The following PALMD variants were observed in gnomAD, a reference collection of about 807,000 sequenced individuals.
The protein encoded by PALMD is palmdelphin.
PALMD carries 42 observed loss-of-function variants against 56.2 expected under a neutral mutation model. The ratio of observed to expected loss-of-function variants is 0.75; its 90% CI spans 0.58 to 0.97. The LOEUF (loss-of-function observed/expected upper bound fraction) is 0.97. Ranked by LOEUF, PALMD falls within the 50% of genes least tolerant of loss-of-function variation. The pLI is 0.00. For synonymous variants in PALMD, 242 were observed against 222.9 expected, an observed-to-expected ratio of 1.09 and a Z score of -0.76; for missense variants, 660 against 643.8, an observed-to-expected ratio of 1.03 and a Z score of -0.27.
chr1:99,676,783 TAAA>T (rs71708491), intron 3 of PALMD, among the ~76,000 whole-genome samples: 2 of 151,266 alleles, frequency 1.3e-5, no homozygotes, highest in Non-Finnish European at 3.0e-5. Flanking sequence ...CTTTAAAAAG[TAAA>T]AAAAGAAAAA....
chr1:99,693,918 C>T (rs1450251098), intron 7 of PALMD, 101 bp from the exon 8 acceptor site: 1 of 746,086 alleles, frequency 1.3e-6, no homozygotes, highest in East Asian at 2.7e-5. Context: ...ATAAAACCAT[C>T]TGAGGTATGT....
intron 7 of PALMD, among the ~76,000 whole-genome samples, chr1:99,693,019 T>C (rs1441692678): frequency 6.6e-6 from 1 of 152,214 alleles, no homozygotes; most frequent in African/African-American, 2.4e-5. Context: ...AAAATAATCA[T>C]GGTCTTGTTA....
At position 99,652,694 on chromosome 1, in the gene PALMD, G is replaced by GGAAAGGAAAGGAAAAGAAAA. The variant is rs1553166835; in HGVS notation, c.45+6336_45+6337insGGAAAGGAAAAGAAAAGAAA. On this transcript the variant is annotated intron_variant, in intron 1 of 7. Coordinates refer to ENST00000263174, the MANE Select transcript of PALMD (RefSeq NM_017734.5). ...GGAAAGGAAAGGAAAGGAAAGGAAA[G>GGAAAGGAAAGGAAAAGAAAA]GAAAAGAAAAGAAAAGAAAAGAAAA... Among the ~76,000 whole-genome samples the GGAAAGGAAAGGAAAAGAAAA allele has an allele frequency of 1.0e-3, 86 of 86,382 alleles. No homozygotes were observed. The East Asian group carries it at 0.011, about 11-fold the overall frequency. 56.7% of individuals were successfully genotyped at this position (86,382 alleles called of 152,430 possible).
At position 99,694,176 on chromosome 1, in the gene PALMD, G is replaced by T; in HGVS notation, c.*114G>T. The T allele has an allele frequency of 1.4e-6, 1 of 698,574 alleles. No homozygotes were observed. Among genetic ancestry groups the T allele is most frequent in the Non-Finnish European group, 2.5e-6 (1 of 404,060 alleles). 43.3% of individuals were successfully genotyped at this position (698,574 alleles called of 1,614,324 possible). The stretch of plus-strand genomic sequence containing the variant: ...TGAAGTCCAAAAAATTATCATTACA[G>T]TGTACCATATTAAGCCATGTGAATA... On this transcript the variant is annotated 3_prime_UTR_variant, in exon 8 of 8. Coordinates refer to ENST00000263174, the MANE Select transcript of PALMD (RefSeq NM_017734.5).
intron 7 of PALMD, among the ~76,000 whole-genome samples, chr1:99,692,781 TTGCCTTC>T (rs951859320): frequency 2.0e-5 from 3 of 152,232 alleles, no homozygotes; most frequent in African/African-American, 7.2e-5. Context: ...TCATAAAGAC[TTGCCTTC>T]TGCCTTCTGC....
chr1:99,685,848 A>G (rs1653481021), intron 3 of PALMD: 1 of 152,150 alleles, frequency 6.6e-6, no homozygotes. Flanking sequence ...CGTGATTGCC[A>G]GTGTCTCTAT....
intron 1 of PALMD, among the ~76,000 whole-genome samples, chr1:99,651,350 T>C (rs980149798): frequency 1.3e-5 from 2 of 152,228 alleles, no homozygotes; most frequent in African/African-American, 4.8e-5. Flanking sequence ...GTTTTTCCAC[T>C]GTGCAACAAA....
intron 3 of PALMD, among the ~76,000 whole-genome samples, chr1:99,682,530 CT>C (rs1408811105): frequency 6.6e-6 from 1 of 152,108 alleles, no homozygotes; most frequent in Non-Finnish European, 1.5e-5. Flanking sequence ...ACCTCATATT[CT>C]TACCATATTA....
In PALMD at chr1:99,666,991, C is replaced by T. The variant is rs150418546; in HGVS notation, c.127-651C>T. ...CATTTAGACAGATCAGTAAATTTTGCGCTTAAGAATGTCTATAACCAGGGA... is the reference window on the plus strand; with the variant it reads ...CATTTAGACAGATCAGTAAATTTTGTGCTTAAGAATGTCTATAACCAGGGA... On this transcript the variant is annotated intron_variant, in intron 2 of 7. Coordinates refer to ENST00000263174, the MANE Select transcript of PALMD (RefSeq NM_017734.5). 2.0e-3 allele frequency among the ~76,000 whole-genome samples: 307 copies of T among 152,208 alleles called. 1 individual carries two copies. Among genetic ancestry groups the T allele is most frequent in the African/African-American group, 7.0e-3 (290 of 41,538 alleles).
At chr1:99,668,588 T>C (rs571049237) in intron 3 of PALMD, 2 of 152,278 alleles carry the variant, frequency 1.3e-5, no homozygotes, top group African/African-American at 4.8e-5. Context: ...AACCATGATA[T>C]TGGAAAGAAG....
At chr1:99,651,131 T>G (rs576458164) in intron 1 of PALMD, among the ~76,000 whole-genome samples, 1 of 152,126 alleles carries the variant, frequency 6.6e-6, no homozygotes, top group South Asian at 2.1e-4. Context: ...CATTCTGGAA[T>G]ATTCAACAAT....
Position 99,691,767 on chromosome 1 carries a change from A to C in PALMD, c.1612+1895A>C, listed in dbSNP as rs528773930. The stretch of plus-strand genomic sequence containing the variant: ...TATGATACTTGAAAACTCACCATTT[A>C]GGTCAATTCCTTTATTTATGGTATA... On this transcript the variant is annotated intron_variant, in intron 7 of 7. Coordinates refer to ENST00000263174, the MANE Select transcript of PALMD (RefSeq NM_017734.5). Among the ~76,000 whole-genome samples the C allele has an allele frequency of 2.4e-4, 37 of 152,272 alleles. No homozygotes were observed. The South Asian group carries it at 5.6e-3, about 23-fold the overall frequency.
chr1:99,676,652 T>C (rs1653220643), intron 3 of PALMD, among the ~76,000 whole-genome samples: 1 of 152,176 alleles, frequency 6.6e-6, no homozygotes, highest in Non-Finnish European at 1.5e-5. Context: ...ATTTGTCTGT[T>C]TCTGAGTTAT....
rs551927881 is a variant in PALMD, at chr1:99,690,030, T to C, written c.1612+158T>C. 2.0e-4 allele frequency: 119 copies of C among 586,568 alleles called. 3 individuals carry two copies. The highest frequency in any genetic ancestry group is 2.0e-3 in the South Asian group (73 of 36,584). The allele number at this position is 586,568 out of a possible 1,614,324, so 36.3% of individuals were successfully genotyped here. A position where few individuals can be genotyped will look rare whatever the true frequency, so the allele number is the denominator to read the frequency against. Reference sequence around the variant, plus strand: ...CTGATAGAGATTATTATCACCACAGTAAAGTGATTAAGTCACTTCAAAAGA... The same window carrying C: ...CTGATAGAGATTATTATCACCACAGCAAAGTGATTAAGTCACTTCAAAAGA... On this transcript the variant is annotated intron_variant, in intron 7 of 7. Coordinates refer to ENST00000263174, the MANE Select transcript of PALMD (RefSeq NM_017734.5).
intron 3 of PALMD, among the ~76,000 whole-genome samples, chr1:99,681,137 ATG>A (rs1158967418): frequency 1.5e-4 from 18 of 122,190 alleles, no homozygotes; most frequent in Admixed American, 4.0e-4. Flanking sequence ...GTGTGTGTGT[ATG>A]TATATATATA....
Position 99,689,416 on chromosome 1 carries a change from C to A in PALMD, c.1156C>A (p.Pro386Thr), listed in dbSNP as rs1259616949. The stretch of plus-strand genomic sequence containing the variant: ...GAAATCTGAACACCAGAATTCTTCA[C>A]CCACTTGTCAGGAGGACGAGGAAGA... The part of the protein sequence containing the change: ...FGKSEHQNSS[P>T]TCQEDEEDVR... The change falls in exon 7 of 8, where the codon CCC becomes ACC. Residue 386 changes from proline to threonine, a missense_variant. Physicochemically the swap from Pro to Thr is conservative, Grantham distance 38. Coordinates refer to ENST00000263174, the MANE Select transcript of PALMD (RefSeq NM_017734.5). The A allele has an allele frequency of 1.9e-6, 3 of 1,613,750 alleles. No homozygotes were observed. Among genetic ancestry groups the A allele is most frequent in the Non-Finnish European group, 2.5e-6 (3 of 1,179,830 alleles).
chr1:99,686,139 A>G (rs1186789058), intron 3 of PALMD: 2 of 152,206 alleles, frequency 1.3e-5, no homozygotes, highest in East Asian at 1.9e-4. Flanking sequence ...ATATGGCCCA[A>G]CTCTTAGGAA....
intron 3 of PALMD, 93 bp downstream of exon 3, chr1:99,667,859 A>G: frequency 8.6e-7 from 1 of 1,163,742 alleles, no homozygotes; most frequent in Non-Finnish European, 1.2e-6. Context: ...TCAGGGGCAT[A>G]ATCAAATCTT....
intron 6 of PALMD, among the ~76,000 whole-genome samples, chr1:99,688,349 C>T (rs929785227): frequency 1.3e-5 from 2 of 152,104 alleles, no homozygotes; most frequent in African/African-American, 4.8e-5. Flanking sequence ...GCACTTTGCC[C>T]ACTGTGATGC....
Sources: gnomAD v4.1 joint callset for allele counts (sites outside exome capture counted in the v4.1 genomes callset) on GRCh38, gnomAD v4.1.1 for gene constraint, MANE v1.5 for transcripts, NCBI Gene and HGNC (gene_info 2026-07-23, HGNC 2026-07-21) for gene names.